The following DLG2 variants were observed in gnomAD, a reference collection of about 807,000 sequenced individuals.
DLG2 encodes disks large homolog 2.
Under a neutral mutation model 132.5 loss-of-function variants are expected in DLG2, and 45 were observed. The observed-to-expected ratio is 0.34, with a 90% confidence interval of 0.27 to 0.44. The LOEUF (loss-of-function observed/expected upper bound fraction) is 0.44. Ranked by LOEUF, DLG2 falls within the 20% of genes least tolerant of loss-of-function variation. The pLI is 1.00. For missense variants in DLG2, 1,045 were observed against 1,196.9 expected (o/e 0.87, Z 1.87); for synonymous variants, 424 against 419.6 (o/e 1.01, Z -0.13).
At chr11:84,527,724 C>A (rs1331979267) in intron 7 of DLG2, among the ~76,000 whole-genome samples, 1 of 152,120 alleles carries the variant, frequency 6.6e-6, no homozygotes, top group Non-Finnish European at 1.5e-5. Context: ...TTTTTTAATA[C>A]ACCCTAGGAA....
chr11:83,925,754 G>T (rs985786466), intron 15 of DLG2, among the ~76,000 whole-genome samples: 2 of 151,884 alleles, frequency 1.3e-5, no homozygotes, highest in African/African-American at 4.8e-5. Context: ...CAATAATTAG[G>T]ACCTTTTATG....
intron 12 of DLG2, among the ~76,000 whole-genome samples, chr11:83,975,695 C>T (rs1432624457): frequency 6.6e-6 from 1 of 151,628 alleles, no homozygotes; most frequent in Non-Finnish European, 1.5e-5. Context: ...ATAAAATTTA[C>T]TGGAAGAGAG....
At chr11:85,609,405 G>A (rs959450767) in intron 2 of DLG2, among the ~76,000 whole-genome samples, 1 of 152,182 alleles carries the variant, frequency 6.6e-6, no homozygotes, top group Non-Finnish European at 1.5e-5. Flanking sequence ...AAAAGGAAAA[G>A]TGAAATCAGA....
At chr11:84,882,813 T>C (rs959332392) in intron 6 of DLG2, among the ~76,000 whole-genome samples, 1 of 152,064 alleles carries the variant, frequency 6.6e-6, no homozygotes, top group African/African-American at 2.4e-5. Flanking sequence ...CCTAGTTCTG[T>C]AGTAGAATTT....
intron 9 of DLG2, among the ~76,000 whole-genome samples, chr11:84,154,537 T>C (rs1174726811): frequency 6.6e-6 from 1 of 152,174 alleles, no homozygotes; most frequent in Non-Finnish European, 1.5e-5. Context: ...CTAGGGTACA[T>C]GTGCATAATG....
At chr11:85,045,504 G>A (rs947790596) in intron 6 of DLG2, among the ~76,000 whole-genome samples, 3 of 151,842 alleles carry the variant, frequency 2.0e-5, no homozygotes, top group Non-Finnish European at 4.4e-5. Flanking sequence ...TTTCATTACT[G>A]TAATACAATA....
At chr11:83,891,421 T>C (rs2069830080) in intron 15 of DLG2, among the ~76,000 whole-genome samples, 1 of 152,222 alleles carries the variant, frequency 6.6e-6, no homozygotes, top group Non-Finnish European at 1.5e-5. Flanking sequence ...CAGGGAGTAC[T>C]GCTCTTTGGA....
At chr11:84,350,892 AG>A (rs1234589203) in intron 7 of DLG2, among the ~76,000 whole-genome samples, 1 of 152,216 alleles carries the variant, frequency 6.6e-6, no homozygotes, top group African/African-American at 2.4e-5. Flanking sequence ...CTAGGCCATC[AG>A]AAAGCAATCT....
At chr11:85,069,570 C>T (rs1183581021) in intron 6 of DLG2, among the ~76,000 whole-genome samples, 1 of 152,148 alleles carries the variant, frequency 6.6e-6, no homozygotes, top group Admixed American at 6.5e-5. Context: ...CATCACTGGC[C>T]ATCAGAGAAA....
At chr11:83,601,530 T>TTTTTTC (rs1224151463) in intron 19 of DLG2, among the ~76,000 whole-genome samples, 6 of 140,590 alleles carry the variant, frequency 4.3e-5, no homozygotes, top group African/African-American at 1.4e-4. Flanking sequence ...TTTTTTTTTT[T>TTTTTTC]TGACAAGGTC....
At chr11:84,540,598 G>T (rs182324675) in intron 6 of DLG2, among the ~76,000 whole-genome samples, 1 of 152,128 alleles carries the variant, frequency 6.6e-6, no homozygotes, top group Non-Finnish European at 1.5e-5. Flanking sequence ...TGGTGGGACC[G>T]TAAACTACTT....
At chr11:83,812,883 G>C (rs1443950060) in intron 17 of DLG2, among the ~76,000 whole-genome samples, 1 of 152,168 alleles carries the variant, frequency 6.6e-6, no homozygotes, top group Non-Finnish European at 1.5e-5. Flanking sequence ...ATGATGACCA[G>C]AAGGCCAATG....
intron 17 of DLG2, chr11:83,790,255 G>C: frequency 2.2e-6 from 2 of 910,800 alleles, no homozygotes; most frequent in Non-Finnish European, 3.6e-6. Context: ...GTTCATAAAA[G>C]CTAAACCTAC....
intron 8 of DLG2, among the ~76,000 whole-genome samples, chr11:84,227,445 C>A (rs1163109205): frequency 6.6e-6 from 1 of 151,978 alleles, no homozygotes; most frequent in African/African-American, 2.4e-5. Flanking sequence ...AGGATTGAAC[C>A]CCCTTATGTT....
chr11:84,595,599 C>T (rs2099554802), intron 6 of DLG2, among the ~76,000 whole-genome samples: 1 of 152,006 alleles, frequency 6.6e-6, no homozygotes, highest in Non-Finnish European at 1.5e-5. Flanking sequence ...TGGCTCTGCA[C>T]AGACAGATTT....
chr11:84,711,330 AAGAGAGAGAGAG>A (rs760750088), intron 6 of DLG2, among the ~76,000 whole-genome samples: 281 of 48,458 alleles, frequency 5.8e-3, no homozygotes, highest in Middle Eastern at 0.04. Flanking sequence ...CAGAACCAGT[AAGAGAGAGAGAG>A]AGAGAGAGAG....
At chr11:84,162,196 T>C (rs537963625) in intron 9 of DLG2, among the ~76,000 whole-genome samples, 1 of 152,212 alleles carries the variant, frequency 6.6e-6, no homozygotes, top group East Asian at 1.9e-4. Context: ...AGAAGGTTTA[T>C]GAAATAAATA....
chr11:83,526,841 G>T (rs1226558624), intron 21 of DLG2, among the ~76,000 whole-genome samples: 1 of 152,024 alleles, frequency 6.6e-6, no homozygotes, highest in Non-Finnish European at 1.5e-5. Flanking sequence ...CCTAATTCAA[G>T]CTGGAATCTC....
rs1027125188 is a variant in DLG2, at chr11:84,508,145, T to C, written c.519+26425A>G. Among the ~76,000 whole-genome samples the C allele has an allele frequency of 8.5e-5, 13 of 152,334 alleles. No homozygotes were observed. In the East Asian group the frequency reaches 1.4e-3, roughly 16 times the overall value. On this transcript the variant is annotated intron_variant, in intron 7 of 27. Coordinates refer to ENST00000376104, the MANE Select transcript of DLG2 (RefSeq NM_001142699.3). ...AACCACCAGTTCTTACTTTGTCTTA[T>C]GATACACACATGTGCTGCCTGCTCT...
Sources: gnomAD v4.1 joint callset for allele counts (sites outside exome capture counted in the v4.1 genomes callset) on GRCh38, gnomAD v4.1.1 for gene constraint, MANE v1.5 for transcripts, NCBI Gene and HGNC (gene_info 2026-07-23, HGNC 2026-07-21) for gene names.